CSMD3: variants seen among roughly 807,000 people sequenced by gnomAD.
CSMD3 encodes the protein CUB and Sushi multiple domains 3.
A neutral mutation model predicts 435.2 loss-of-function variants in CSMD3; 177 were observed. That is an observed-to-expected ratio of 0.41 (90% confidence interval 0.36 to 0.46). The LOEUF (loss-of-function observed/expected upper bound fraction) is 0.46, where lower values mean the gene tolerates loss of function less well. Ranked by LOEUF, CSMD3 falls within the 20% of genes least tolerant of loss-of-function variation. CSMD3 has a pLI of 0.34. For synonymous variants in CSMD3, 1,656 were observed against 1,520.5 expected (o/e 1.09, Z -2.07); for missense variants, 4,265 against 4,504.6 (o/e 0.95, Z 1.52).
At chr8:112,245,827 C>T (rs1398958154) in intron 64 of CSMD3, among the ~76,000 whole-genome samples, 2 of 152,138 alleles carry the variant, frequency 1.3e-5, no homozygotes, top group Admixed American at 6.6e-5. Flanking sequence ...CGTGAGCCAC[C>T]GTGCCTGGCC....
At chr8:113,393,313 G>T (rs1226612695) in intron 1 of CSMD3, among the ~76,000 whole-genome samples, 1 of 152,020 alleles carries the variant, frequency 6.6e-6, no homozygotes, top group Admixed American at 6.6e-5. Context: ...AAACACTCAA[G>T]AAGCCATTGA....
chr8:112,476,147 G>C (rs1819027341), intron 31 of CSMD3, among the ~76,000 whole-genome samples: 1 of 152,084 alleles, frequency 6.6e-6, no homozygotes, highest in African/African-American at 2.4e-5. Flanking sequence ...CCAGGTTCAA[G>C]AGATTCTCCT....
intron 7 of CSMD3, among the ~76,000 whole-genome samples, chr8:112,960,208 A>T (rs1165765763): frequency 1.3e-5 from 2 of 151,284 alleles, no homozygotes; most frequent in African/African-American, 4.8e-5. Context: ...TACATCCTGT[A>T]CTGGCTGAAC....
Position 112,706,370 on chromosome 8 carries a change from T to C in CSMD3, c.1973-16320A>G, listed in dbSNP as rs547314860. 2.1e-3 allele frequency among the ~76,000 whole-genome samples: 318 copies of C among 152,208 alleles called. 1 individual carries two copies. Among genetic ancestry groups the C allele is most frequent in the Middle Eastern group, 6.8e-3 (2 of 294 alleles). On this transcript the variant is annotated intron_variant, in intron 13 of 70. Transcript: ENST00000297405. ...TACATAAAAAGTCTAATAAATAATGTAATTTTATCATAAAATGTATTGGGA... is the reference window on the plus strand; with the variant it reads ...TACATAAAAAGTCTAATAAATAATGCAATTTTATCATAAAATGTATTGGGA...
At chr8:112,434,774 T>G (rs1492664) in intron 32 of CSMD3, among the ~76,000 whole-genome samples, 30,865 of 152,068 alleles carry the variant, frequency 0.2, 3,823 homozygotes, top group East Asian at 0.39. Context: ...TAACAAATTC[T>G]TTTTCTTAAT....
chr8:112,704,281 A>T (rs2131889384), intron 13 of CSMD3, among the ~76,000 whole-genome samples: 1 of 152,156 alleles, frequency 6.6e-6, no homozygotes, highest in Non-Finnish European at 1.5e-5. Flanking sequence ...GCCCAACAAG[A>T]ATATTTTAAT....
chr8:112,830,976 A>T (rs1299098950), intron 11 of CSMD3, among the ~76,000 whole-genome samples: 2 of 151,782 alleles, frequency 1.3e-5, no homozygotes, highest in African/African-American at 4.8e-5. Context: ...TTTAATAGAG[A>T]CGGGGTTTCA....
intron 13 of CSMD3, among the ~76,000 whole-genome samples, chr8:112,690,421 T>C (rs893749526): frequency 6.6e-6 from 1 of 151,940 alleles, no homozygotes; most frequent in Admixed American, 6.6e-5. Context: ...CCAAAGACTT[T>C]TCTTATTCTT....
At chr8:113,006,778 G>T (rs979961956) in intron 6 of CSMD3, among the ~76,000 whole-genome samples, 2 of 151,946 alleles carry the variant, frequency 1.3e-5, no homozygotes, top group Non-Finnish European at 2.9e-5. Context: ...AGCAGAAGGA[G>T]ACTGGGATAT....
At chr8:113,412,717 C>T (rs1306886442) in intron 1 of CSMD3, among the ~76,000 whole-genome samples, 3 of 152,106 alleles carry the variant, frequency 2.0e-5, no homozygotes, top group East Asian at 1.9e-4. Context: ...TGTTTTCCTT[C>T]GTTGCACTGA....
At chr8:112,992,674 T>C (rs1486821354) in intron 6 of CSMD3, among the ~76,000 whole-genome samples, 1 of 151,830 alleles carries the variant, frequency 6.6e-6, no homozygotes, top group Non-Finnish European at 1.5e-5. Flanking sequence ...TAGGCTATTG[T>C]AAGAAGTTTG....
intron 1 of CSMD3, among the ~76,000 whole-genome samples, chr8:113,322,817 C>A (rs781514174): frequency 2.0e-5 from 3 of 152,092 alleles, no homozygotes; most frequent in Non-Finnish European, 4.4e-5. Flanking sequence ...GTGATCTCAA[C>A]TCACTGCAAC....
chr8:112,794,285 C>CTTTTTTTTTTTTTTTTTTTTTTTTTT (rs1203991072), intron 13 of CSMD3, among the ~76,000 whole-genome samples: 1 of 96,302 alleles, frequency 1.0e-5, no homozygotes, highest in African/African-American at 3.9e-5. Context: ...GACTGATAAA[C>CTTTTTTTTTTTTTTTTTTTTTTTTTT]TTTTTTTTTT....
At chr8:113,319,309 A>G (rs1336380807) in intron 1 of CSMD3, among the ~76,000 whole-genome samples, 2 of 151,980 alleles carry the variant, frequency 1.3e-5, no homozygotes, top group African/African-American at 4.8e-5. Context: ...TTAAAGATTA[A>G]TTATGTTGAG....
intron 37 of CSMD3, among the ~76,000 whole-genome samples, chr8:112,382,766 G>A (rs1829590620): frequency 6.6e-6 from 1 of 152,158 alleles, no homozygotes; most frequent in South Asian, 2.1e-4. Flanking sequence ...AAGGCAGGTG[G>A]ATCACCTGAA....
chr8:112,725,722 C>T (rs891859893), intron 13 of CSMD3, among the ~76,000 whole-genome samples: 10 of 151,810 alleles, frequency 6.6e-5, no homozygotes, highest in Admixed American at 5.9e-4. Context: ...GAGAAAAAAT[C>T]CGAAGGATTT....
At chr8:112,732,713 A>AG (rs1245558498) in intron 13 of CSMD3, among the ~76,000 whole-genome samples, 2 of 151,626 alleles carry the variant, frequency 1.3e-5, no homozygotes, top group African/African-American at 4.8e-5. Context: ...AAAAAAAAAA[A>AG]AAAGAAAAAA....
intron 3 of CSMD3, among the ~76,000 whole-genome samples, chr8:113,190,995 A>G (rs2092576531): frequency 6.6e-6 from 1 of 151,848 alleles, no homozygotes; most frequent in Non-Finnish European, 1.5e-5. Flanking sequence ...AAAAATTTTC[A>G]GAGCACTTTA....
intron 12 of CSMD3, among the ~76,000 whole-genome samples, chr8:112,825,546 C>T (rs1373776058): frequency 6.6e-6 from 1 of 151,952 alleles, no homozygotes; most frequent in Non-Finnish European, 1.5e-5. Context: ...TGCTGTTGTT[C>T]CTTTCTGTTT....
Sources: gnomAD v4.1 joint callset for allele counts (sites outside exome capture counted in the v4.1 genomes callset) on GRCh38, gnomAD v4.1.1 for gene constraint, MANE v1.5 for transcripts, NCBI Gene and HGNC (gene_info 2026-07-23, HGNC 2026-07-21) for gene names.